Variants in NOVA1 observed in about 807,000 individuals in gnomAD.
NOVA1 encodes the protein RNA-binding protein Nova-1.
In NOVA1, 7 loss-of-function variants were observed where a neutral mutation model predicts 38.0. The observed-to-expected ratio is 0.18, with a 90% CI of 0.10 to 0.35. The LOEUF (loss-of-function observed/expected upper bound fraction) is 0.35. Ranked by LOEUF, NOVA1 falls within the 10% of genes least tolerant of loss-of-function variation. The pLI, the probability that NOVA1 is intolerant of heterozygous loss-of-function variation, is 1.00. For missense variants in NOVA1, 460 were observed against 616.0 expected, an observed-to-expected ratio of 0.75 and a Z score of 2.68; for synonymous variants, 270 against 232.5, an observed-to-expected ratio of 1.16 and a Z score of -1.47.
intron 2 of NOVA1, among the ~76,000 whole-genome samples, chr14:26,483,904 A>G (rs1044148483): frequency 2.6e-5 from 4 of 152,206 alleles, no homozygotes; most frequent in African/African-American, 9.6e-5. Flanking sequence ...AACAAAATTG[A>G]GGCAATGACA....
chr14:26,576,142 T>A (rs900335612), intron 2 of NOVA1, among the ~76,000 whole-genome samples: 1 of 151,920 alleles, frequency 6.6e-6, no homozygotes. Flanking sequence ...TATATACTTA[T>A]CATCTACAAT....
At chr14:26,533,364 T>C (rs542060434) in intron 2 of NOVA1, among the ~76,000 whole-genome samples, 7 of 152,286 alleles carry the variant, frequency 4.6e-5, no homozygotes, top group Admixed American at 2.0e-4. Flanking sequence ...CCCACTTCCT[T>C]CAGTAAAGCC....
At chr14:26,511,785 T>G (rs1487174818) in intron 2 of NOVA1, among the ~76,000 whole-genome samples, 1 of 151,658 alleles carries the variant, frequency 6.6e-6, no homozygotes, top group African/African-American at 2.4e-5. Context: ...TCCCAAAGTT[T>G]TAAGGTGTGT....
At chr14:26,574,098 T>C (rs1885076) in intron 2 of NOVA1, among the ~76,000 whole-genome samples, 1 of 147,488 alleles carries the variant, frequency 6.8e-6, no homozygotes. Context: ...CAATCTCAGC[T>C]CACTGCAACC....
intron 4 of NOVA1, among the ~76,000 whole-genome samples, chr14:26,469,853 G>A (rs1180563971): frequency 1.3e-5 from 2 of 151,944 alleles, no homozygotes; most frequent in Non-Finnish European, 1.5e-5. Context: ...CTCCTGCCTC[G>A]GCCTTCCAAA....
At chr14:26,476,201 C>G (rs537338034) in intron 3 of NOVA1, among the ~76,000 whole-genome samples, 4 of 152,166 alleles carry the variant, frequency 2.6e-5, no homozygotes, top group East Asian at 1.9e-4. Flanking sequence ...AACTGTCTTC[C>G]AGCATCTGAA....
chr14:26,524,358 T>A (rs1889143735), intron 2 of NOVA1, among the ~76,000 whole-genome samples: 1 of 152,304 alleles, frequency 6.6e-6, no homozygotes, highest in East Asian at 1.9e-4. Context: ...TTACTTGTAT[T>A]TGTGGATGCA....
chr14:26,518,841 A>T (rs1204644616), intron 2 of NOVA1, among the ~76,000 whole-genome samples: 1 of 152,090 alleles, frequency 6.6e-6, no homozygotes, highest in Admixed American at 6.5e-5. Flanking sequence ...TTTGGGATAC[A>T]AATGATCTCT....
intron 2 of NOVA1, chr14:26,549,773 T>G (rs1369956959): frequency 2.3e-5 from 30 of 1,287,912 alleles, no homozygotes; most frequent in Admixed American, 4.6e-5. Context: ...CTTCTGCAGC[T>G]GTCAGCACCT....
intron 2 of NOVA1, among the ~76,000 whole-genome samples, chr14:26,591,374 G>A (rs1055093326): frequency 2.0e-5 from 3 of 151,610 alleles, no homozygotes; most frequent in Non-Finnish European, 3.0e-5. Context: ...ATAACCTAGT[G>A]TAATGATAAC....
chr14:26,526,044 T>G (rs1451783541), intron 2 of NOVA1, among the ~76,000 whole-genome samples: 1 of 152,098 alleles, frequency 6.6e-6, no homozygotes, highest in African/African-American at 2.4e-5. Context: ...TACTTTCTTT[T>G]TCTACTGTTG....
intron 2 of NOVA1, among the ~76,000 whole-genome samples, chr14:26,533,473 G>C (rs1473407836): frequency 1.3e-5 from 2 of 152,024 alleles, no homozygotes; most frequent in African/African-American, 4.8e-5. Flanking sequence ...TATAGGAAAA[G>C]GTACAAATTC....
At chr14:26,520,531 C>T (rs1294827996) in intron 2 of NOVA1, among the ~76,000 whole-genome samples, 4 of 152,256 alleles carry the variant, frequency 2.6e-5, no homozygotes, top group East Asian at 1.9e-4. Context: ...CAAAATTAAG[C>T]CGTGGCACTA....
intron 4 of NOVA1, 114 bp from the exon 5 acceptor site, chr14:26,449,077 G>C: frequency 1.0e-6 from 1 of 982,828 alleles, no homozygotes; most frequent in Non-Finnish European, 1.4e-6. Flanking sequence ...CATAATTTAT[G>C]AAACAGAAAT....
intron 2 of NOVA1, among the ~76,000 whole-genome samples, chr14:26,580,310 T>A (rs1893129223): frequency 6.6e-6 from 1 of 152,162 alleles, no homozygotes; most frequent in Non-Finnish European, 1.5e-5. Context: ...ATTTTTAATG[T>A]TTTGTATTTG....
At chr14:26,498,199 A>G (rs1886962098) in intron 2 of NOVA1, among the ~76,000 whole-genome samples, 1 of 150,584 alleles carries the variant, frequency 6.6e-6, no homozygotes, top group Admixed American at 6.6e-5. Context: ...AGCTGGGACT[A>G]CAGGCGCCCG....
intron 4 of NOVA1, among the ~76,000 whole-genome samples, chr14:26,459,476 C>T (rs1287993675): frequency 2.0e-5 from 3 of 151,868 alleles, no homozygotes; most frequent in African/African-American, 4.8e-5. Flanking sequence ...ACAGAAACAC[C>T]TAATGCTGCA....
At chr14:26,470,135 T>C in intron 4 of NOVA1, 1 of 680,654 alleles carries the variant, frequency 1.5e-6, no homozygotes, top group South Asian at 4.9e-5. Flanking sequence ...CTGTATTTTT[T>C]ATTTTTGGTT....
chr14:26,516,906 C>CTTTTTT (rs1179556122), intron 2 of NOVA1, among the ~76,000 whole-genome samples: 1 of 135,616 alleles, frequency 7.4e-6, no homozygotes. Flanking sequence ...GACTTTGCCT[C>CTTTTTT]TTTTTTTTTT....
Sources: allele counts gnomAD v4.1 joint callset (sites outside exome capture counted in the v4.1 genomes callset), GRCh38; gene constraint gnomAD v4.1.1; transcripts MANE v1.5; gene names NCBI Gene and HGNC (gene_info 2026-07-23, HGNC 2026-07-21).